DFFB: variants seen among roughly 807,000 people sequenced by gnomAD.
DFFB encodes DNA fragmentation factor 40 kDa subunit.
DFFB carries 29 observed loss-of-function variants against 32.7 expected under a neutral mutation model. That is an observed-to-expected ratio of 0.89 (90% CI 0.66 to 1.21). The LOEUF (loss-of-function observed/expected upper bound fraction) is 1.21, where lower values mean the gene tolerates loss of function less well. Among genes scored for constraint, DFFB ranks in the 50% most tolerant of loss-of-function variants. The probability of loss-of-function intolerance (pLI) is 0.00; values close to 1 mark genes in which losing one functional copy is unlikely to be tolerated. For missense variants in DFFB, 398 were observed against 440.6 expected (o/e 0.90, Z 0.87); for synonymous variants, 170 against 177.1 (o/e 0.96, Z 0.32).
chr1:3,865,445 A>G lies in DFFB; in HGVS notation c.242-367A>G, dbSNP rs938277537. On this transcript the variant is annotated intron_variant, in intron 2 of 6. Coordinates refer to ENST00000378209, the MANE Select transcript of DFFB (RefSeq NM_004402.4). The surrounding 1 kb of genome is among the most constrained non-coding windows in gnomAD (Gnocchi z 4.7). ...CTTTAGGGAGTTGTGAAAAGGCTCC[A>G]GGAGAGAGTAGGAAAAGTGATCGGA... is the stretch of plus-strand genomic sequence containing the variant. Among the ~76,000 whole-genome samples the G allele has an allele frequency of 2.0e-5, 3 of 152,178 alleles. No individual in the cohort carries two copies. The highest frequency in any genetic ancestry group is 4.8e-5 in the African/African-American group (2 of 41,432).
Position 3,865,064 on chromosome 1 carries a change from C to G in DFFB, c.242-748C>G, listed in dbSNP as rs1240846499. 9.7e-6 allele frequency among the ~76,000 whole-genome samples: 1 copy of G among 102,816 alleles called. No individual in the cohort carries two copies. Among genetic ancestry groups the G allele is most frequent in the African/African-American group, 3.4e-5 (1 of 29,624 alleles). The allele number at this position is 102,816 out of a possible 152,430, so 67.5% of individuals were successfully genotyped here. A position where few individuals can be genotyped will look rare whatever the true frequency, so the allele number is the denominator to read the frequency against. On this transcript the variant is annotated intron_variant, in intron 2 of 6. Transcript: ENST00000378209. The surrounding 1 kb of genome is among the most constrained non-coding windows in gnomAD (Gnocchi z 4.7). Reference sequence around the variant, plus strand: ...TATTTACCCTGTGGCTTTTCATTCTCTTAAGAGCATTTTTTTTTTTGCGGA... The same window carrying G: ...TATTTACCCTGTGGCTTTTCATTCTGTTAAGAGCATTTTTTTTTTTGCGGA...
chr1:3,863,797 A>G (rs909571588), intron 2 of DFFB, among the ~76,000 whole-genome samples: 2 of 152,056 alleles, frequency 1.3e-5, no homozygotes, highest in Non-Finnish European at 1.5e-5. Flanking sequence ...AGAGATGGAA[A>G]ATAGATTAGT....
At chr1:3,857,770 T>C (rs1644779391) in intron 1 of DFFB, 53 bp downstream of exon 1, 8 of 1,247,220 alleles carry the variant, frequency 6.4e-6, no homozygotes, top group Non-Finnish European at 6.4e-6. Flanking sequence ...GTGGGGAGAA[T>C]AGGAGGTGCC....
intron 4 of DFFB, 59 bp downstream of exon 4, chr1:3,868,112 C>A (rs1645020406): frequency 1.4e-6 from 2 of 1,472,428 alleles, no homozygotes; most frequent in Non-Finnish European, 1.9e-6. Flanking sequence ...GCTCTGTGGG[C>A]TCTGGAAGCC....
intron 2 of DFFB, among the ~76,000 whole-genome samples, chr1:3,864,780 C>G (rs921148458): frequency 7.3e-5 from 11 of 151,650 alleles, no homozygotes; most frequent in Non-Finnish European, 1.3e-4. Context: ...AACTCCTGCC[C>G]TTAAGTGATT....
intron 6 of DFFB, among the ~76,000 whole-genome samples, chr1:3,882,187 G>C (rs1187873292): frequency 1.3e-5 from 2 of 151,952 alleles, no homozygotes; most frequent in African/African-American, 4.8e-5. Flanking sequence ...GTAGTAGCTG[G>C]GATTACAGGC....
rs760490486 is a variant in DFFB, at chr1:3,868,073, G to A, written c.510+20G>A. On this transcript the variant is annotated intron_variant, in intron 4 of 6. Coordinates refer to ENST00000378209, the MANE Select transcript of DFFB (RefSeq NM_004402.4). ...AGGGAGGTGAGCCTGAGTGAAGACCGGGTATGCTGGGCGGGTTTTTGAAGC... is the reference window on the plus strand; with the variant it reads ...AGGGAGGTGAGCCTGAGTGAAGACCAGGTATGCTGGGCGGGTTTTTGAAGC... The A allele has an allele frequency of 4.8e-5, 77 of 1,611,890 alleles. No individual in the cohort carries two copies. The highest frequency in any genetic ancestry group is 4.1e-4 in the South Asian group (37 of 91,034).
intron 3 of DFFB, among the ~76,000 whole-genome samples, chr1:3,867,267 C>T (rs1006140388): frequency 2.6e-5 from 4 of 152,200 alleles, no homozygotes; most frequent in Admixed American, 6.5e-5. Flanking sequence ...CACTCCACTG[C>T]GTGTACATAC....
intron 1 of DFFB, among the ~76,000 whole-genome samples, 165 bp from the exon 2 acceptor site, chr1:3,858,553 C>T (rs763241163): frequency 3.3e-5 from 5 of 152,244 alleles, no homozygotes; most frequent in Non-Finnish European, 7.3e-5. Flanking sequence ...CCCTTGCTCC[C>T]GCTCCCTCAT....
chr1:3,872,293 G>A (rs1570926152), intron 5 of DFFB, among the ~76,000 whole-genome samples, 179 bp from the exon 6 acceptor site: 1 of 152,008 alleles, frequency 6.6e-6, no homozygotes, highest in Non-Finnish European at 1.5e-5. Flanking sequence ...GGCACCTGTA[G>A]TCCCAGCTAC....
At chr1:3,862,166 G>A (rs1293316721) in intron 2 of DFFB, among the ~76,000 whole-genome samples, 1 of 152,190 alleles carries the variant, frequency 6.6e-6, no homozygotes, top group Non-Finnish European at 1.5e-5. Flanking sequence ...ACAAAAAATT[G>A]TAATACTTAT....
At chr1:3,859,516 T>A (rs1644838145) in intron 2 of DFFB, among the ~76,000 whole-genome samples, 1 of 152,028 alleles carries the variant, frequency 6.6e-6, no homozygotes, top group Non-Finnish European at 1.5e-5. Flanking sequence ...GCAAATGGGG[T>A]CAGGCTCCAG....
intron 6 of DFFB, among the ~76,000 whole-genome samples, chr1:3,875,476 T>G (rs1645204253): frequency 6.6e-6 from 1 of 152,040 alleles, no homozygotes; most frequent in African/African-American, 2.4e-5. Context: ...TGCTCTCGAG[T>G]GTCCCAGCCT....
At chr1:3,861,198 T>C (rs1260290165) in intron 2 of DFFB, among the ~76,000 whole-genome samples, 1 of 150,774 alleles carries the variant, frequency 6.6e-6, no homozygotes, top group Non-Finnish European at 1.5e-5. Context: ...AATCATAAAG[T>C]ATGTGACCTT....
intron 6 of DFFB, among the ~76,000 whole-genome samples, chr1:3,877,452 C>T (rs902079768): frequency 6.6e-6 from 1 of 151,386 alleles, no homozygotes; most frequent in South Asian, 2.1e-4. Flanking sequence ...GCCTCAGCCT[C>T]CCAAGTAGCT....
chr1:3,867,894 C>T (rs1459173359), intron 3 of DFFB, 80 bp from the exon 4 acceptor site: 6 of 1,284,598 alleles, frequency 4.7e-6, no homozygotes, highest in Admixed American at 1.7e-5. Flanking sequence ...CCCTGCTTGG[C>T]ACCTGGGCTG....
intron 2 of DFFB, among the ~76,000 whole-genome samples, chr1:3,863,616 C>T (rs748393414): frequency 1.3e-5 from 2 of 152,140 alleles, no homozygotes; most frequent in African/African-American, 4.8e-5. Flanking sequence ...CCTAAGTCTC[C>T]AATGATGAAC....
intron 6 of DFFB, among the ~76,000 whole-genome samples, chr1:3,876,957 C>G (rs563622401): frequency 2.0e-5 from 3 of 152,312 alleles, no homozygotes; most frequent in African/African-American, 7.2e-5. Context: ...TCCGTGTGGG[C>G]TCTGGGTGGA....
chr1:3,866,387 C>G (rs1429469193), intron 3 of DFFB: 4 of 274,626 alleles, frequency 1.5e-5, no homozygotes, highest in African/African-American at 9.3e-5. Flanking sequence ...TCCCGAGTAG[C>G]TGGGATTACA....
Sources: allele counts gnomAD v4.1 joint callset (sites outside exome capture counted in the v4.1 genomes callset), GRCh38; gene constraint gnomAD v4.1.1; non-coding constraint Gnocchi (gnomAD v3.1); transcripts MANE v1.5; gene names NCBI Gene and HGNC (gene_info 2026-07-23, HGNC 2026-07-21).